ZFPM1: variants seen among roughly 807,000 people sequenced by gnomAD.
The protein encoded by ZFPM1 is zinc finger protein ZFPM1.
ZFPM1 carries 28 observed loss-of-function variants against 46.3 expected under a neutral mutation model. The observed-to-expected ratio is 0.60, with a 90% CI of 0.45 to 0.83. The LOEUF (loss-of-function observed/expected upper bound fraction) is 0.83. Among genes scored for constraint, ZFPM1 ranks in the 40% least tolerant of loss-of-function variants. The probability of loss-of-function intolerance (pLI) is 0.00; values close to 1 mark genes in which losing one functional copy is unlikely to be tolerated. For synonymous variants in ZFPM1, 957 were observed against 675.9 expected (o/e 1.42, Z -6.45); for missense variants, 1,878 against 1,432.4 (o/e 1.31, Z -5.02).
In ZFPM1 at chr16:88,469,065, G is replaced by C. The variant is rs1049267452; in HGVS notation, c.40+15387G>C. 2 of 154,256 alleles carry C rather than the reference G, an allele frequency of 1.3e-5. No homozygotes were observed. The highest frequency in any genetic ancestry group is 1.3e-4 in the Admixed American group (2 of 15,284). The allele number at this position is 154,256 out of a possible 1,614,324, so 9.6% of individuals were successfully genotyped here. A position where few individuals can be genotyped will look rare whatever the true frequency, so the allele number is the denominator to read the frequency against. ...GTTCCCGAGAGGAGTGCAGCCAGCA[G>C]CCACTCCCAGATGGGAACAGCGAGT... is the stretch of plus-strand genomic sequence containing the variant. On this transcript the variant is annotated intron_variant, in intron 1 of 9. Transcript: ENST00000319555. The surrounding 1 kb of genome is among the most constrained non-coding windows in gnomAD (Gnocchi z 4.3).
chr16:88,534,934 CAAG>C lies in ZFPM1; in HGVS notation c.2980_2982del (p.Lys994del). On this transcript the variant is annotated inframe_deletion, in exon 10 of 10. Transcript: ENST00000319555. ...GCAGCCTGTCCACCTTCATCGCCCA[CAAG>C]AAGTATTACTGCTCCTCGCACGCCG... The C allele has an allele frequency of 3.2e-6, 5 of 1,542,766 alleles. No individual in the cohort carries two copies. Among genetic ancestry groups the C allele is most frequent in the Non-Finnish European group, 4.4e-6 (5 of 1,144,868 alleles).
intron 6 of ZFPM1, among the ~76,000 whole-genome samples, chr16:88,530,162 C>T (rs1485057149): frequency 6.6e-6 from 1 of 152,168 alleles, no homozygotes; most frequent in Non-Finnish European, 1.5e-5. Context: ...TCTCGGGGTG[C>T]CCGGGAGACC....
intron 3 of ZFPM1, among the ~76,000 whole-genome samples, chr16:88,496,775 G>A (rs1405098868): frequency 1.3e-5 from 2 of 152,172 alleles, no homozygotes; most frequent in East Asian, 1.9e-4. Flanking sequence ...GCCTCTCACT[G>A]GGCGTTTCCT....
chr16:88,501,225 G>C (rs371711103), intron 3 of ZFPM1, among the ~76,000 whole-genome samples: 23 of 66,670 alleles, frequency 3.4e-4, no homozygotes, highest in East Asian at 1.9e-3. Context: ...GATAGCGGGT[G>C]TGGGTGCATG....
intron 1 of ZFPM1, 142 bp downstream of exon 1, chr16:88,453,820 A>G (rs1202447353): frequency 4.2e-5 from 19 of 447,816 alleles, no homozygotes; most frequent in Non-Finnish European, 5.7e-5. Flanking sequence ...CGCTGTGCCA[A>G]GCGCGCCGTA....
chr16:88,489,120 G>A lies in ZFPM1; in HGVS notation c.235G>A (p.Glu79Lys), dbSNP rs1198861544. The change falls in exon 3 of 10, where the codon GAG (glutamate) becomes AAG (lysine). Residue 79 changes from glutamate (E) to lysine (K), a missense_variant. By Grantham distance (56) the Glu-to-Lys change is moderately conservative. Transcript: ENST00000319555. ...ACAGGAACCAGAACCCAGGCCCACG[G>A]AGGAAGAGCCGGGCAGTCCCTGGAG... ...EGQEPEPRPT[E>K]EEPGSPWSGP... is the part of the protein sequence containing the mutation. 1 of 1,611,234 alleles carries A rather than the reference G, an allele frequency of 6.2e-7. No homozygotes were observed. The highest frequency in any genetic ancestry group is 8.5e-7 in the Non-Finnish European group (1 of 1,179,086).
chr16:88,476,658 A>G (rs1908700985), intron 1 of ZFPM1, among the ~76,000 whole-genome samples: 1 of 152,108 alleles, frequency 6.6e-6, no homozygotes, highest in African/African-American at 2.4e-5. Context: ...GGGGCTGCTT[A>G]GTGAACATGA....
At position 88,533,933 on chromosome 16, in the gene ZFPM1, G is replaced by C; in HGVS notation, c.1975G>C (p.Gly659Arg). 8.0e-7 allele frequency: 1 copy of C among 1,256,316 alleles called. No homozygotes were observed. Among genetic ancestry groups the C allele is most frequent in the Non-Finnish European group, 1.0e-6 (1 of 980,692 alleles). 77.8% of individuals were successfully genotyped at this position (1,256,316 alleles called of 1,614,324 possible). A position where few individuals can be genotyped will look rare whatever the true frequency, so the allele number is the denominator to read the frequency against. ...CGCGGCCACGCCCGAGGACGGCGCGGGCGGCCGGGGCAGCGAGGGCAGCCA... is the reference window on the plus strand; with the variant it reads ...CGCGGCCACGCCCGAGGACGGCGCGCGCGGCCGGGGCAGCGAGGGCAGCCA... ...GGAATPEDGA[G>R]GRGSEGSQSP... is the part of the protein sequence containing the mutation. Residue 659 changes from glycine to arginine, a missense_variant, in exon 10 of 10, where the codon GGC (glycine) becomes CGC (arginine). Gly to Arg is a moderately radical substitution (Grantham distance 125). Coordinates refer to ENST00000319555, the MANE Select transcript of ZFPM1 (RefSeq NM_153813.3).
intron 4 of ZFPM1, among the ~76,000 whole-genome samples, chr16:88,526,141 G>C (rs1332169925): frequency 1.3e-5 from 2 of 152,242 alleles, no homozygotes; most frequent in African/African-American, 4.8e-5. Flanking sequence ...GGTGGGGACA[G>C]ACCTGCTGAG....
intron 1 of ZFPM1, 114 bp from the exon 2 acceptor site, chr16:88,485,825 A>C (rs539773986): frequency 2.2e-6 from 2 of 903,126 alleles, no homozygotes; most frequent in African/African-American, 3.3e-5. Flanking sequence ...CCTCACCCCC[A>C]CCCATTGCCA....
rs371263298 is a variant in ZFPM1 at position 88,500,955 on chromosome 16, C to G, written c.268+11802C>G. On this transcript the variant is annotated intron_variant, in intron 3 of 9. Coordinates refer to ENST00000319555, the MANE Select transcript of ZFPM1 (RefSeq NM_153813.3). ...CCTCCCTGTGGGGGTGCAGCCTTGG[C>G]TGGGGATATGTCAGGGTCTCTAAGG... Among the ~76,000 whole-genome samples the G allele has an allele frequency of 3.7e-3, 559 of 152,238 alleles. 2 individuals carry two copies. Among genetic ancestry groups the G allele is most frequent in the African/African-American group, 0.013 (527 of 41,550 alleles).
chr16:88,507,989 G>A (rs753034609), intron 3 of ZFPM1, among the ~76,000 whole-genome samples: 16 of 152,186 alleles, frequency 1.1e-4, no homozygotes, highest in Non-Finnish European at 2.2e-4. Context: ...CCAGTGGGTC[G>A]AGGATGTGTG....
chr16:88,489,350 A>G, intron 3 of ZFPM1, 197 bp downstream of exon 3: 4 of 827,958 alleles, frequency 4.8e-6, no homozygotes, highest in Middle Eastern at 3.8e-4. Flanking sequence ...CCTCGCGCCA[A>G]TCCCGGGCCT....
rs1031345179 is a variant in ZFPM1, at chr16:88,471,635, G to T, written c.41-14304G>T. 1.3e-5 allele frequency among the ~76,000 whole-genome samples: 2 copies of T among 152,196 alleles called. No individual in the cohort carries two copies. The highest frequency in any genetic ancestry group is 2.9e-5 in the Non-Finnish European group (2 of 68,032). ...TAGCGGCTCCCACTCACAGAGGTGGGGTCAGGGCCCCAAGATGACCGTGGC... is the reference window on the plus strand; with the variant it reads ...TAGCGGCTCCCACTCACAGAGGTGGTGTCAGGGCCCCAAGATGACCGTGGC... On this transcript the variant is annotated intron_variant, in intron 1 of 9. Transcript: ENST00000319555. The surrounding 1 kb of genome is among the most constrained non-coding windows in gnomAD (Gnocchi z 4.1).
chr16:88,514,306 C>T, intron 3 of ZFPM1, 81 bp from the exon 4 acceptor site: 1 of 1,530,898 alleles, frequency 6.5e-7, no homozygotes, highest in South Asian at 1.2e-5. Context: ...CCTCCACTGC[C>T]CCTTGGGCCA....
chr16:88,456,274 G>A (rs1465765898), intron 1 of ZFPM1, among the ~76,000 whole-genome samples: 2 of 152,200 alleles, frequency 1.3e-5, no homozygotes, highest in African/African-American at 2.4e-5. Context: ...TAGATGGTGC[G>A]AGACCGCTAG....
chr16:88,461,221 C>T lies in ZFPM1; in HGVS notation c.40+7543C>T, dbSNP rs1297654215. On this transcript the variant is annotated intron_variant, in intron 1 of 9. Transcript: ENST00000319555. ...CTGGTGAGGACCCAGGGGCGGGAGGCCTGGTGAGGACCCAGGGGTGGGGCG... is the reference window on the plus strand; with the variant it reads ...CTGGTGAGGACCCAGGGGCGGGAGGTCTGGTGAGGACCCAGGGGTGGGGCG... Among the ~76,000 whole-genome samples, 12 of 108,524 alleles carry T rather than the reference C, an allele frequency of 1.1e-4. 2 individuals carry two copies. The highest frequency in any genetic ancestry group is 1.8e-4 in the Non-Finnish European group (10 of 54,972). 71.2% of individuals were successfully genotyped at this position (108,524 alleles called of 152,430 possible).
At chr16:88,487,903 G>A (rs1437261262) in intron 2 of ZFPM1, among the ~76,000 whole-genome samples, 1 of 152,208 alleles carries the variant, frequency 6.6e-6, no homozygotes, top group Non-Finnish European at 1.5e-5. Flanking sequence ...CCAGCCTCTG[G>A]TGAGGCCTGG....
chr16:88,498,643 G>A (rs1038810456), intron 3 of ZFPM1, among the ~76,000 whole-genome samples: 11 of 152,214 alleles, frequency 7.2e-5, no homozygotes, highest in Non-Finnish European at 1.2e-4. Flanking sequence ...CCAAATGAAC[G>A]AGGGGCGTCT....
Sources: allele counts gnomAD v4.1 joint callset (sites outside exome capture counted in the v4.1 genomes callset), GRCh38; gene constraint gnomAD v4.1.1; non-coding constraint Gnocchi (gnomAD v3.1); transcripts MANE v1.5; gene names NCBI Gene and HGNC (gene_info 2026-07-23, HGNC 2026-07-21).